Variants in MYH14 observed in about 807,000 individuals in gnomAD.
MYH14 encodes the protein myosin-14.
In MYH14, 123 loss-of-function variants were observed where a neutral mutation model predicts 255.5. The observed-to-expected ratio is 0.48, with a 90% CI of 0.42 to 0.56. The LOEUF is 0.56. MYH14 is among the 20% of genes least tolerant of loss of function. MYH14 has a pLI of 0.00. For synonymous variants in MYH14, 1,095 were observed against 1,161.2 expected (o/e 0.94, Z 1.16); for missense variants, 2,423 against 2,802.3 (o/e 0.86, Z 3.06).
At chr19:50,279,757 G>A (rs1289788059) in intron 30 of MYH14, among the ~76,000 whole-genome samples, 1 of 152,246 alleles carries the variant, frequency 6.6e-6, no homozygotes, top group Non-Finnish European at 1.5e-5. Context: ...CATTGGGGCT[G>A]TTCCCGCCTC....
intron 13 of MYH14, chr19:50,249,427 C>G (rs1021509075): frequency 8.0e-6 from 5 of 625,364 alleles, no homozygotes; most frequent in Non-Finnish European, 1.1e-5. Context: ...TCCCCTGTCT[C>G]TGGGTCTCTG....
At chr19:50,287,885 A>AT (rs1188395228) in intron 34 of MYH14, among the ~76,000 whole-genome samples, 1 of 152,016 alleles carries the variant, frequency 6.6e-6, no homozygotes, top group East Asian at 1.9e-4. Context: ...GCATACATAC[A>AT]TAACACACAT....
chr19:50,258,761 C>CA (rs914738498), intron 18 of MYH14: 4 of 144,986 alleles, frequency 2.8e-5, no homozygotes, highest in African/African-American at 1.1e-4. Flanking sequence ...AACAAACAAA[C>CA]AAAAACCAAA....
Position 50,258,827 on chromosome 19 carries a change from GA to G in MYH14, c.2233-316del, listed in dbSNP as rs201536858. On this transcript the variant is annotated intron_variant, in intron 18 of 42. Transcript: ENST00000642316. ...TCAGCTTCCCAGGAGGCCTTTTGGC[GA>G]CTCTCTTGCGTGCAAATTCAGCCCC... 1.4e-3 allele frequency: 389 copies of G among 277,414 alleles called. 7 individuals carry two copies. In the East Asian group the frequency reaches 0.022, roughly 16 times the overall value. The allele number at this position is 277,414 out of a possible 1,614,324, so 17.2% of individuals were successfully genotyped here. A position where few individuals can be genotyped will look rare whatever the true frequency, so the allele number is the denominator to read the frequency against.
chr19:50,212,027 T>C lies in MYH14; in HGVS notation c.405+1257T>C, dbSNP rs76454623. ...AATACAAAAACCCATTGAGAAGAGA[T>C]TGATGATACTTAGGTTGACTATGGT... On this transcript the variant is annotated intron_variant, in intron 2 of 42. Transcript: ENST00000642316. Among the ~76,000 whole-genome samples, 628 of 152,060 alleles carry C rather than the reference T, an allele frequency of 4.1e-3. 5 individuals carry two copies. The highest frequency in any genetic ancestry group is 0.014 in the African/African-American group (595 of 41,484).
intron 40 of MYH14, among the ~76,000 whole-genome samples, chr19:50,306,503 G>A (rs73060471): frequency 0.016 from 2,412 of 152,192 alleles, 30 homozygotes; most frequent in Non-Finnish European, 0.022. Context: ...GTTCCCTCCC[G>A]CTCTGAAGAT....
intron 1 of MYH14, among the ~76,000 whole-genome samples, chr19:50,207,079 G>T (rs1372053832): frequency 9.1e-6 from 1 of 110,436 alleles, no homozygotes; most frequent in African/African-American, 3.5e-5. Context: ...AAAAAAAAAG[G>T]CTGGGCCTGA....
intron 30 of MYH14, among the ~76,000 whole-genome samples, chr19:50,278,782 C>A (rs1488478379): frequency 2.7e-5 from 4 of 148,690 alleles, no homozygotes; most frequent in African/African-American, 9.9e-5. Context: ...CGAGACCGGC[C>A]TCACCAACAT....
At chr19:50,211,149 A>T (rs549154474) in intron 2 of MYH14, among the ~76,000 whole-genome samples, 1 of 152,264 alleles carries the variant, frequency 6.6e-6, no homozygotes, top group East Asian at 1.9e-4. Flanking sequence ...CCTGGGCAAC[A>T]AAACGAGACC....
intron 22 of MYH14, 116 bp downstream of exon 22, chr19:50,263,536 G>T: frequency 9.9e-6 from 6 of 604,030 alleles, no homozygotes; most frequent in Non-Finnish European, 1.6e-5. Context: ...CACTAAAATG[G>T]GGCCAGTCGG....
intron 12 of MYH14, among the ~76,000 whole-genome samples, chr19:50,248,063 A>G (rs1030988412): frequency 4.0e-5 from 6 of 148,152 alleles, no homozygotes; most frequent in African/African-American, 1.2e-4. Flanking sequence ...CTGTCTCAAA[A>G]AAAAAAAAAA....
At chr19:50,268,606 G>T (rs1198571216) in intron 24 of MYH14, among the ~76,000 whole-genome samples, 6 of 152,204 alleles carry the variant, frequency 3.9e-5, no homozygotes, top group African/African-American at 1.4e-4. Context: ...GGCCTGGCTG[G>T]ATCCAGGTGT....
rs1468386929 is a variant in MYH14, at chr19:50,276,610, A to G, written c.3681-147A>G. Reference sequence around the variant, plus strand: ...ACCCTTAAAGCCACACTCCTTCCACAGCATCACCACCCAGATCTCCTGAGG... The same window carrying G: ...ACCCTTAAAGCCACACTCCTTCCACGGCATCACCACCCAGATCTCCTGAGG... On this transcript the variant is annotated intron_variant, in intron 28 of 42. Transcript: ENST00000642316. This position sits in a 1 kb window ranked among gnomAD's most constrained non-coding sequence, Gnocchi z 4.3. 2.9e-6 allele frequency: 3 copies of G among 1,025,120 alleles called. No homozygotes were observed. Among genetic ancestry groups the G allele is most frequent in the African/African-American group, 3.2e-5 (2 of 61,730 alleles). 63.5% of individuals were successfully genotyped at this position (1,025,120 alleles called of 1,614,324 possible). A position where few individuals can be genotyped will look rare whatever the true frequency, so the allele number is the denominator to read the frequency against.
At position 50,276,028 on chromosome 19, in the gene MYH14, A is replaced by C; in HGVS notation, c.3505A>C (p.Lys1169Gln). ...GGGTGGGGCCCGGGCCCAGCTGCTG[A>C]AATCCCTGCGGGAGGCTCAAGCAGC... is the stretch of plus-strand genomic sequence containing the variant. Reference protein sequence around the residue: ...DEGGARAQLLKSLREAQAALA... With the variant: ...DEGGARAQLLQSLREAQAALA... The change falls in exon 28 of 43, where the codon AAA (lysine) becomes CAA (glutamine). Residue 1169 changes from lysine to glutamine, a missense_variant. Transcript: ENST00000642316. This position sits in a 1 kb window ranked among gnomAD's most constrained non-coding sequence, Gnocchi z 4.3. 2 of 1,612,966 alleles carry C rather than the reference A, an allele frequency of 1.2e-6. No individual in the cohort carries two copies. Among genetic ancestry groups the C allele is most frequent in the Non-Finnish European group, 1.7e-6 (2 of 1,179,718 alleles).
At chr19:50,248,879 AG>A in intron 12 of MYH14, 107 bp from the exon 13 acceptor site, 1 of 1,126,558 alleles carries the variant, frequency 8.9e-7, no homozygotes, top group South Asian at 1.4e-5. Flanking sequence ...AGGAGCTGGG[AG>A]GCGACCTTAA....
At chr19:50,245,663 G>A (rs974411435) in intron 11 of MYH14, among the ~76,000 whole-genome samples, 3 of 151,982 alleles carry the variant, frequency 2.0e-5, no homozygotes, top group Non-Finnish European at 4.4e-5. Flanking sequence ...TATGAAATCC[G>A]ATGGGCTCAT....
chr19:50,212,710 A>G (rs1568463454), intron 2 of MYH14, among the ~76,000 whole-genome samples: 1 of 152,184 alleles, frequency 6.6e-6, no homozygotes, highest in Non-Finnish European at 1.5e-5. Context: ...GCTCTGAGAT[A>G]AGCAGTGGCT....
intron 39 of MYH14, among the ~76,000 whole-genome samples, chr19:50,298,009 G>C (rs761153099): frequency 1.3e-5 from 2 of 152,038 alleles, no homozygotes; most frequent in African/African-American, 2.4e-5. Context: ...TGGAGCTTCC[G>C]TGCCCTCCTG....
Position 50,274,072 on chromosome 19 carries a change from G to A in MYH14, c.3467+1341G>A, listed in dbSNP as rs1055486135. Among the ~76,000 whole-genome samples, 8 of 152,230 alleles carry A rather than the reference G, an allele frequency of 5.3e-5. No homozygotes were observed. In the South Asian group the frequency reaches 8.3e-4, roughly 16 times the overall value. On this transcript the variant is annotated intron_variant, in intron 27 of 42. Coordinates refer to ENST00000642316, the MANE Select transcript of MYH14 (RefSeq NM_001145809.2). Reference sequence around the variant, plus strand: ...GGTAATTGTAGACAGTACTCCTAAGGTTAGTGTGAGGGTTAAAGAAGAAAG... The same window carrying A: ...GGTAATTGTAGACAGTACTCCTAAGATTAGTGTGAGGGTTAAAGAAGAAAG...
Sources: allele counts gnomAD v4.1 joint callset (sites outside exome capture counted in the v4.1 genomes callset), GRCh38; gene constraint gnomAD v4.1.1; non-coding constraint Gnocchi (gnomAD v3.1); transcripts MANE v1.5; gene names NCBI Gene and HGNC (gene_info 2026-07-23, HGNC 2026-07-21).